Variants in ZNF732 observed in about 807,000 individuals in gnomAD.
ZNF732 encodes the protein zinc finger protein 732.
A neutral mutation model predicts 11.5 loss-of-function variants in ZNF732; 12 were observed. The ratio of observed to expected loss-of-function variants is 1.05; its 90% confidence interval spans 0.67 to 1.70. ZNF732 has a LOEUF of 1.70. Ranked by LOEUF, ZNF732 falls within the 40% of genes most tolerant of loss-of-function variation. The probability of loss-of-function intolerance (pLI) is 0.00; values close to 1 mark genes in which losing one functional copy is unlikely to be tolerated. For synonymous variants in ZNF732, 231 were observed against 236.5 expected (o/e 0.98, Z 0.21); for missense variants, 702 against 676.9 (o/e 1.04, Z -0.41).
chr4:292,011 C>T (rs1719850042), intron 3 of ZNF732, among the ~76,000 whole-genome samples: 2 of 152,100 alleles, frequency 1.3e-5, no homozygotes, highest in South Asian at 4.1e-4. Flanking sequence ...TGGATATCCA[C>T]AAGCTAAAGA....
intron 3 of ZNF732, among the ~76,000 whole-genome samples, chr4:292,896 A>AAG (rs1719868759): frequency 8.0e-6 from 1 of 125,198 alleles, no homozygotes; most frequent in Non-Finnish European, 1.7e-5. Context: ...AACACAAAAA[A>AAG]AAAAAAAAAA....
chr4:289,117 A>G (rs1290090815), intron 3 of ZNF732, among the ~76,000 whole-genome samples: 1 of 152,260 alleles, frequency 6.6e-6, no homozygotes, highest in African/African-American at 2.4e-5. Context: ...ACATGGTAGA[A>G]GCAGGAGCAA....
At position 272,120 on chromosome 4, in the gene ZNF732, C is replaced by G. The variant is rs868973728; in HGVS notation, c.737G>C (p.Gly246Ala). ...TTCTTCATATTTGTAAGATTTCTCT[C>G]CAGTATGAACTTTATGTTTAGCAAA... is the stretch of plus-strand genomic sequence containing the variant. ...SNFAKHKVHT[G>A]EKSYKYEECG... Residue 246 changes from glycine (G) to alanine (A), a missense_variant, in exon 4 of 4, where the codon GGA becomes GCA. Gly to Ala is a moderately conservative substitution (Grantham distance 60). Around this residue, in one of 3 missense-constraint regions of ZNF732, gnomAD observed 596 missense variants for 557.9 expected, o/e 1.07. Transcript: ENST00000419098. 1.9e-6 allele frequency: 3 copies of G among 1,612,288 alleles called. No individual in the cohort carries two copies. In the Admixed American group the frequency reaches 5.0e-5, roughly 27 times the overall value.
At chr4:279,005 A>G (rs1322639884) in intron 3 of ZNF732, among the ~76,000 whole-genome samples, 5 of 152,200 alleles carry the variant, frequency 3.3e-5, no homozygotes, top group African/African-American at 1.2e-4. Flanking sequence ...TGCCATTTAC[A>G]TGGGATAAAG....
In ZNF732 at chr4:271,743, T is replaced by C. The variant is rs781824558; in HGVS notation, c.1114A>G (p.Arg372Gly). The C allele has an allele frequency of 1.2e-6, 2 of 1,610,658 alleles. No homozygotes were observed. Among genetic ancestry groups the C allele is most frequent in the South Asian group, 1.1e-5 (1 of 90,806 alleles). Residue 372 changes from arginine (R) to glycine (G), a missense_variant, in exon 4 of 4, where the codon AGA becomes GGA. Arg to Gly is a moderately radical substitution (Grantham distance 125). Coordinates refer to ENST00000419098, the MANE Select transcript of ZNF732 (RefSeq NM_001137608.3). The stretch of plus-strand genomic sequence containing the variant: ...TGTTTATTAAGGGTTGCGGATTGTC[T>C]AAAGGCTTTGCCACATTGTTCACAT... ...YKCEQCGKAF[R>G]QSATLNKHKS...
intron 1 of ZNF732, among the ~76,000 whole-genome samples, chr4:301,684 C>T (rs1390074956): frequency 1.3e-5 from 2 of 152,138 alleles, no homozygotes; most frequent in African/African-American, 4.8e-5. Flanking sequence ...CACGTGGACA[C>T]AGGATGGGGA....
rs782534382 is a variant in ZNF732 at position 271,374 on chromosome 4, T to C, written c.1483A>G (p.Ile495Val). 13 of 1,600,002 alleles carry C rather than the reference T, an allele frequency of 8.1e-6. No individual in the cohort carries two copies. The highest frequency in any genetic ancestry group is 3.5e-5 in the Admixed American group (2 of 57,266). Reference protein sequence around the residue: ...CSRALNKHKTIHTGEKPYECE... With the variant: ...CSRALNKHKTVHTGEKPYECE... ...TCGTAAGGTTTCTCTCCAGTATGAA[T>C]TGTCTTATGTTTATTCAGGGCTCTG... Residue 495 changes from isoleucine (I) to valine (V), a missense_variant, in exon 4 of 4, where the codon ATT becomes GTT. Transcript: ENST00000419098.
intron 3 of ZNF732, among the ~76,000 whole-genome samples, chr4:289,429 C>A (rs1038099948): frequency 5.9e-5 from 9 of 152,238 alleles, no homozygotes; most frequent in African/African-American, 1.4e-4. Context: ...ACTCTCCAGG[C>A]TCTCCATCTT....
chr4:305,409 C>T lies in ZNF732; in HGVS notation c.-99G>A. ...GCTGAGGCTGTGACCGAATCACCGACGCCTCCCTGAGGGGTGAAAGCACGG... is the reference window on the plus strand; with the variant it reads ...GCTGAGGCTGTGACCGAATCACCGATGCCTCCCTGAGGGGTGAAAGCACGG... On this transcript the variant is annotated 5_prime_UTR_variant, in exon 1 of 4. Coordinates refer to ENST00000419098, the MANE Select transcript of ZNF732 (RefSeq NM_001137608.3). The T allele has an allele frequency of 1.3e-6, 2 of 1,557,788 alleles. No individual in the cohort carries two copies. The highest frequency in any genetic ancestry group is 8.7e-7 in the Non-Finnish European group (1 of 1,143,916).
chr4:299,408 T>TATATAC (rs1553843129), intron 1 of ZNF732, among the ~76,000 whole-genome samples: 1 of 67,556 alleles, frequency 1.5e-5, no homozygotes, highest in Non-Finnish European at 3.1e-5. Context: ...TATGTGTATA[T>TATATAC]ATATATACAC....
At chr4:299,576 TAA>T (rs1282576205) in intron 1 of ZNF732, among the ~76,000 whole-genome samples, 1 of 139,818 alleles carries the variant, frequency 7.2e-6, no homozygotes, top group African/African-American at 2.7e-5. Flanking sequence ...TTTATATATA[TAA>T]TTTATATATA....
chr4:299,604 A>T (rs1295257579), intron 1 of ZNF732, among the ~76,000 whole-genome samples: 1 of 126,756 alleles, frequency 7.9e-6, no homozygotes, highest in African/African-American at 3.3e-5. Context: ...ATATTTATAA[A>T]TTATTTATAT....
In ZNF732 at chr4:271,594, T is replaced by C. The variant is rs782154428; in HGVS notation, c.1263A>G (p.Glu421=). Residue 421 remains glutamate, a synonymous_variant, in exon 4 of 4, where the codon GAA becomes GAG. Transcript: ENST00000419098. ...IHTGERPHKC[E]ECGKAFGWST... is the part of the protein sequence containing the mutation. ...ACCATCCAAAGGCTTTGCCACACTC[T>C]TCACATTTGTGGGGCCTCTCTCCAG... 140 of 1,613,174 alleles carry C rather than the reference T, an allele frequency of 8.7e-5. No individual in the cohort carries two copies. Among genetic ancestry groups the C allele is most frequent in the Non-Finnish European group, 1.4e-5 (17 of 1,179,536 alleles).
intron 3 of ZNF732, among the ~76,000 whole-genome samples, chr4:291,878 A>C (rs2108658028): frequency 6.6e-6 from 1 of 152,340 alleles, no homozygotes; most frequent in South Asian, 2.1e-4. Context: ...ATATAAAAAA[A>C]CCAATGGAAC....
intron 3 of ZNF732, among the ~76,000 whole-genome samples, chr4:282,954 A>G (rs1254437031): frequency 1.3e-5 from 2 of 152,212 alleles, no homozygotes; most frequent in Non-Finnish European, 2.9e-5. Flanking sequence ...ATCAATCAGT[A>G]ATTCCTTTAA....
chr4:272,709 A>G, intron 3 of ZNF732, 79 bp from the exon 4 acceptor site: 1 of 1,284,410 alleles, frequency 7.8e-7, no homozygotes, highest in Non-Finnish European at 1.0e-6. Flanking sequence ...ATAAACTTAT[A>G]CAAAGTACAT....
chr4:295,957 G>A (rs1381198921), intron 2 of ZNF732, 72 bp downstream of exon 2: 1 of 1,540,630 alleles, frequency 6.5e-7, no homozygotes, highest in South Asian at 1.2e-5. Flanking sequence ...GTTCCCAAGA[G>A]ACATTCTACA....
intron 1 of ZNF732, among the ~76,000 whole-genome samples, chr4:298,194 CAAT>C (rs1720000403): frequency 6.6e-6 from 1 of 152,138 alleles, no homozygotes; most frequent in Non-Finnish European, 1.5e-5. Context: ...ACTCACAAAA[CAAT>C]AAAAGGGAAG....
chr4:300,903 C>T (rs1051225001), intron 1 of ZNF732, among the ~76,000 whole-genome samples: 2 of 152,100 alleles, frequency 1.3e-5, no homozygotes, highest in Admixed American at 1.3e-4. Context: ...TTCTGCACAG[C>T]AAAAGAAACT....
Sources: gnomAD v4.1 joint callset for allele counts (sites outside exome capture counted in the v4.1 genomes callset) on GRCh38, gnomAD v4.1.1 for gene constraint, gnomAD v4.1.1 regional missense constraint, MANE v1.5 for transcripts, NCBI Gene and HGNC (gene_info 2026-07-23, HGNC 2026-07-21) for gene names.